The following B3GALT5 variants were observed in gnomAD, a reference collection of about 807,000 sequenced individuals.
The protein encoded by B3GALT5 is UDP-Gal:betaGlcNAc beta 1,3-galactosyltransferase, polypeptide 5.
For missense variants in B3GALT5, 328 were observed against 396.6 expected (o/e 0.83, Z 1.47); for synonymous variants, 156 against 158.6 (o/e 0.98, Z 0.12).
intron 2 of B3GALT5, among the ~76,000 whole-genome samples, chr21:39,650,901 C>T (rs575523975): frequency 6.6e-5 from 10 of 152,048 alleles, no homozygotes; most frequent in African/African-American, 2.2e-4. Flanking sequence ...TGTCCCACTT[C>T]TTCCACCCCA....
chr21:39,613,415 C>T lies in B3GALT5; in HGVS notation c.-392+348C>T, dbSNP rs1686478100. On this transcript the variant is annotated intron_variant, in intron 1 of 3. Coordinates refer to ENST00000684187, the MANE Select transcript of B3GALT5 (RefSeq NM_001356336.2). ...AACATCGCACAATTAAAAAGAATGG[C>T]CTAATCTTAAGCAACAACAACAAAA... Among the ~76,000 whole-genome samples, 6 of 152,234 alleles carry T rather than the reference C, an allele frequency of 3.9e-5. No individual in the cohort carries two copies. The South Asian group carries it at 1.2e-3, about 32-fold the overall frequency.
rs1401224344 is a variant in B3GALT5, at chr21:39,648,692, G to C, written c.-161+2070G>C. Among the ~76,000 whole-genome samples the C allele has an allele frequency of 2.0e-5, 3 of 152,324 alleles. No individual in the cohort carries two copies. In the East Asian group the frequency reaches 5.8e-4, roughly 29 times the overall value. On this transcript the variant is annotated intron_variant, in intron 2 of 3. Coordinates refer to ENST00000684187, the MANE Select transcript of B3GALT5 (RefSeq NM_001356336.2). ...CAATAAACGCTGGGAGATGATCTTT[G>C]CTATGGACTGAATTGTGTCTCCTTA...
rs2079503158 is a variant in B3GALT5 at position 39,660,577 on chromosome 21, G to C, written c.18G>C (p.Met6Ile). Residue 6 changes from methionine to isoleucine, a missense_variant, in exon 4 of 4, where the codon ATG (methionine) becomes ATC (isoleucine). Coordinates refer to ENST00000684187, the MANE Select transcript of B3GALT5 (RefSeq NM_001356336.2). Reference protein sequence around the residue: MAFPKMRLMYICLLVL... With the variant: MAFPKIRLMYICLLVL... ...CCTTTCAGATGGCTTTCCCGAAGAT[G>C]AGATTGATGTATATTTGCCTTCTGG... The C allele has an allele frequency of 7.0e-7, 1 of 1,420,036 alleles. No homozygotes were observed. Among genetic ancestry groups the C allele is most frequent in the Non-Finnish European group, 9.2e-7 (1 of 1,083,390 alleles). The allele number at this position is 1,420,036 out of a possible 1,614,324, so 88.0% of individuals were successfully genotyped here.
At chr21:39,639,352 TTCCTTCC>T (rs1569212204) in intron 1 of B3GALT5, among the ~76,000 whole-genome samples, 74 of 110,796 alleles carry the variant, frequency 6.7e-4, no homozygotes, top group East Asian at 2.7e-3. Context: ...CTTTCTTTCC[TTCCTTCC>T]TTCCTTCCTT....
chr21:39,647,939 A>G (rs2079357178), intron 2 of B3GALT5, among the ~76,000 whole-genome samples: 1 of 152,178 alleles, frequency 6.6e-6, no homozygotes, highest in African/African-American at 2.4e-5. Flanking sequence ...GAATTTTCTA[A>G]TGTGGTTGGT....
At chr21:39,630,763 G>T (rs758860526) in intron 1 of B3GALT5, among the ~76,000 whole-genome samples, 50 of 152,170 alleles carry the variant, frequency 3.3e-4, no homozygotes, top group Non-Finnish European at 5.1e-4. Flanking sequence ...CCATGGGGAG[G>T]TAAGGTGAGG....
intron 2 of B3GALT5, among the ~76,000 whole-genome samples, chr21:39,659,112 C>T (rs959577218): frequency 1.5e-4 from 23 of 152,212 alleles, no homozygotes; most frequent in African/African-American, 4.6e-4. Context: ...TGGTGGCATG[C>T]GCCTGTGGTC....
chr21:39,646,181 C>T (rs986076248), intron 1 of B3GALT5, among the ~76,000 whole-genome samples: 6 of 152,048 alleles, frequency 3.9e-5, no homozygotes, highest in South Asian at 2.1e-4. Flanking sequence ...GCTGGTGCCC[C>T]GGACTACTGC....
At chr21:39,659,997 C>G (rs1184639487) in intron 3 of B3GALT5, 85 bp downstream of exon 3, 1 of 784,908 alleles carries the variant, frequency 1.3e-6, no homozygotes, top group South Asian at 5.8e-5. Context: ...GTGGGCAGAA[C>G]AGGAAAGAAT....
chr21:39,670,471 T>G lies in B3GALT5; in HGVS notation c.*8979T>G, dbSNP rs1018917906. ...TGAGGGCCTCACTCGTTTTCACCTTTGCACAATCAGTCACACATTTGTTAT... is the reference window on the plus strand; with the variant it reads ...TGAGGGCCTCACTCGTTTTCACCTTGGCACAATCAGTCACACATTTGTTAT... On this transcript the variant is annotated 3_prime_UTR_variant, in exon 4 of 4. Coordinates refer to ENST00000684187, the MANE Select transcript of B3GALT5 (RefSeq NM_001356336.2). 6.6e-6 allele frequency: 1 copy of G among 152,252 alleles called. No homozygotes were observed. The highest frequency in any genetic ancestry group is 1.5e-5 in the Non-Finnish European group (1 of 68,050). 9.4% of individuals were successfully genotyped at this position (152,252 alleles called of 1,614,324 possible).
At chr21:39,613,141 G>T (rs2079089362) in intron 1 of B3GALT5, 74 bp downstream of exon 1, 1 of 149,488 alleles carries the variant, frequency 6.7e-6, no homozygotes, top group South Asian at 1.8e-4. Flanking sequence ...TGCGGCGCGC[G>T]GGGGCGTGGG....
chr21:39,629,988 T>C (rs999529249), intron 1 of B3GALT5, among the ~76,000 whole-genome samples: 3 of 152,240 alleles, frequency 2.0e-5, no homozygotes, highest in Admixed American at 2.0e-4. Flanking sequence ...GTTTGAATTT[T>C]TTCCAACTGA....
At chr21:39,618,635 T>A (rs906013204) in intron 1 of B3GALT5, among the ~76,000 whole-genome samples, 1 of 152,232 alleles carries the variant, frequency 6.6e-6, no homozygotes, top group Non-Finnish European at 1.5e-5. Context: ...CATTTTTCAT[T>A]TGGAATGTCT....
chr21:39,642,622 G>C (rs2079298983), intron 1 of B3GALT5, among the ~76,000 whole-genome samples: 4 of 152,216 alleles, frequency 2.6e-5, no homozygotes, highest in Admixed American at 2.6e-4. Context: ...TGTAGGATCA[G>C]CTGTTTTTGA....
In B3GALT5 at chr21:39,634,856, C is replaced by T. The variant is rs551056289; in HGVS notation, c.-391-11536C>T. ...CTCAAAGCACATTCCCTATTCATGT[C>T]GGGGCAGTAGAATCTTCCCATTTTC... On this transcript the variant is annotated intron_variant, in intron 1 of 3. Transcript: ENST00000684187. Among the ~76,000 whole-genome samples, 6 of 152,202 alleles carry T rather than the reference C, an allele frequency of 3.9e-5. No individual in the cohort carries two copies. In the South Asian group the frequency reaches 6.2e-4, roughly 16 times the overall value.
At chr21:39,647,144 A>G (rs2146205518) in intron 2 of B3GALT5, among the ~76,000 whole-genome samples, 1 of 152,324 alleles carries the variant, frequency 6.6e-6, no homozygotes, top group Non-Finnish European at 1.5e-5. Context: ...CACAGCTGAA[A>G]GGGAACAAGG....
intron 1 of B3GALT5, among the ~76,000 whole-genome samples, chr21:39,627,993 A>C (rs1182063487): frequency 6.6e-6 from 1 of 152,236 alleles, no homozygotes; most frequent in Admixed American, 6.5e-5. Flanking sequence ...CTAGTCACAA[A>C]ACAATAAAAC....
rs1337650476 is a variant in B3GALT5, at chr21:39,661,438, G to A, written c.879G>A (p.Leu293=). The change falls in exon 4 of 4, where the codon TTG becomes TTA. Residue 293 remains leucine (L), a synonymous_variant. Coordinates refer to ENST00000684187, the MANE Select transcript of B3GALT5 (RefSeq NM_001356336.2). The surrounding 1 kb of genome is among the most constrained non-coding windows in gnomAD (Gnocchi z 4.7). ...ACTTCATCAAGCCTCGGACTCTCTT[G>A]GACTACTGGCAGGCTCTAGAGAATT... The part of the protein sequence containing the change: ...ACHFIKPRTL[L]DYWQALENSR... 6.5e-7 allele frequency: 1 copy of A among 1,534,156 alleles called. No homozygotes were observed. The highest frequency in any genetic ancestry group is 1.4e-5 in the African/African-American group (1 of 72,460).
In B3GALT5 at chr21:39,670,016, C is replaced by T. The variant is rs2079613321; in HGVS notation, c.*8524C>T. On this transcript the variant is annotated 3_prime_UTR_variant, in exon 4 of 4. Transcript: ENST00000684187. ...TCGGCACTTAGTTATCTGTGTCATTCCCAAGGACCTCCCGTTTAGCTGGAT... is the reference window on the plus strand; with the variant it reads ...TCGGCACTTAGTTATCTGTGTCATTTCCAAGGACCTCCCGTTTAGCTGGAT... 1 of 152,268 alleles carries T rather than the reference C, an allele frequency of 6.6e-6. No homozygotes were observed. The highest frequency in any genetic ancestry group is 2.1e-4 in the South Asian group (1 of 4,826). 9.4% of individuals were successfully genotyped at this position (152,268 alleles called of 1,614,324 possible).
Sources: gnomAD v4.1 joint callset for allele counts (sites outside exome capture counted in the v4.1 genomes callset) on GRCh38, gnomAD v4.1.1 for gene constraint, Gnocchi (gnomAD v3.1) non-coding constraint, MANE v1.5 for transcripts, NCBI Gene and HGNC (gene_info 2026-07-23, HGNC 2026-07-21) for gene names.